Variants in MTRF1 observed in about 807,000 individuals in gnomAD.
The protein encoded by MTRF1 is mitochondrial translation release factor 1.
A neutral mutation model predicts 62.9 loss-of-function variants in MTRF1; 51 were observed. That is an observed-to-expected ratio of 0.81 (90% CI 0.65 to 1.02). MTRF1 has a LOEUF of 1.02. Ranked by LOEUF, MTRF1 falls within the 50% of genes least tolerant of loss-of-function variation. The probability of loss-of-function intolerance (pLI) is 0.00; values close to 1 mark genes in which losing one functional copy is unlikely to be tolerated. For synonymous variants in MTRF1, 158 were observed against 181.9 expected (o/e 0.87, Z 1.06); for missense variants, 446 against 530.0 (o/e 0.84, Z 1.56).
chr13:41,283,620 C>T, the MTRF1 span, among the ~76,000 whole-genome samples: 2 of 96,722 alleles, frequency 2.1e-5, no homozygotes, highest in African/African-American at 4.1e-5. Flanking sequence ...GACGGAGTCT[C>T]GCTCTGTCAC....
At chr13:41,271,755 T>C in the MTRF1 span, among the ~76,000 whole-genome samples, 1 of 152,078 alleles carries the variant, frequency 6.6e-6, no homozygotes, top group Non-Finnish European at 1.5e-5. Context: ...GGGGTGCCAT[T>C]CTGCTGGGAG....
chr13:41,311,618 C>A, the MTRF1 span: 1 of 1,585,364 alleles, frequency 6.3e-7, no homozygotes, highest in Admixed American at 1.8e-5. Context: ...GCCCCCCGGT[C>A]CCCGGGTCCT....
the MTRF1 span, among the ~76,000 whole-genome samples, chr13:41,285,871 C>G: frequency 2.0e-5 from 3 of 151,974 alleles, no homozygotes; most frequent in African/African-American, 7.3e-5. Context: ...TGAGAACAGC[C>G]TGGCCAACAT....
chr13:41,274,672 A>ATAT, the MTRF1 span, among the ~76,000 whole-genome samples: 7 of 147,478 alleles, frequency 4.7e-5, no homozygotes, highest in African/African-American at 1.8e-4. Flanking sequence ...AATAATAAAT[A>ATAT]TATAATAATA....
chr13:41,286,587 T>C, the MTRF1 span, among the ~76,000 whole-genome samples: 4 of 152,244 alleles, frequency 2.6e-5, no homozygotes, highest in African/African-American at 9.6e-5. Context: ...GATTATTCCT[T>C]GTGAAATGAG....
At chr13:41,273,325 C>CA in the MTRF1 span, among the ~76,000 whole-genome samples, 778 of 120,152 alleles carry the variant, frequency 6.5e-3, 6 homozygotes, top group South Asian at 0.022. Flanking sequence ...GACTCCGTCT[C>CA]AAAAAAAAAA....
At chr13:41,263,805 G>A (rs1349358927), upstream of MTRF1, among the ~76,000 whole-genome samples, 1 of 146,972 alleles carries the variant, frequency 6.8e-6, no homozygotes, top group African/African-American at 2.7e-5. Context: ...GGAGATGGTG[G>A]GAGGGAGGGA....
At chr13:41,245,114 TTC>T (rs1293616577) in intron 5 of MTRF1, among the ~76,000 whole-genome samples, 2 of 152,212 alleles carry the variant, frequency 1.3e-5, no homozygotes, top group African/African-American at 4.8e-5. Flanking sequence ...GCATTAAATG[TTC>T]TGTTTATCTG....
chr13:41,218,173 T>C (rs2032305944), intron 9 of MTRF1, among the ~76,000 whole-genome samples: 1 of 152,026 alleles, frequency 6.6e-6, no homozygotes, highest in Non-Finnish European at 1.5e-5. Context: ...TGGAGTATAG[T>C]GGTGTGATCT....
At chr13:41,298,872 GA>G in the MTRF1 span, among the ~76,000 whole-genome samples, 1 of 152,124 alleles carries the variant, frequency 6.6e-6, no homozygotes, top group Non-Finnish European at 1.5e-5. Context: ...ATCTGGACAA[GA>G]AGTTCTGTCA....
At chr13:41,254,456 C>G in intron 3 of MTRF1, 73 bp downstream of exon 3, 1 of 1,081,726 alleles carries the variant, frequency 9.2e-7, no homozygotes, top group South Asian at 1.5e-5. Context: ...CTATGAGCAC[C>G]GAAGCAGAGT....
the MTRF1 span, among the ~76,000 whole-genome samples, chr13:41,275,679 GA>G: frequency 2.0e-5 from 3 of 151,916 alleles, no homozygotes; most frequent in Non-Finnish European, 2.9e-5. Flanking sequence ...TTTTAGTAGA[GA>G]CAGGGTTTCA....
intron 9 of MTRF1, among the ~76,000 whole-genome samples, chr13:41,219,998 C>CAAAAAAAAAAA (rs71086550): frequency 2.8e-5 from 2 of 70,364 alleles, no homozygotes; most frequent in African/African-American, 5.8e-5. Context: ...ACCTCTGTCT[C>CAAAAAAAAAAA]AAAAAAAAAA....
At chr13:41,273,283 G>T in the MTRF1 span, among the ~76,000 whole-genome samples, 3 of 148,504 alleles carry the variant, frequency 2.0e-5, no homozygotes, top group South Asian at 4.3e-4. Context: ...CCGAGATCGC[G>T]CCACTGCACT....
chr13:41,280,981 A>G, the MTRF1 span, among the ~76,000 whole-genome samples: 3 of 152,202 alleles, frequency 2.0e-5, no homozygotes, highest in Admixed American at 2.0e-4. Context: ...GACGTGGGGA[A>G]GAAAGAAAAG....
At chr13:41,254,098 C>T (rs1044999124) in intron 3 of MTRF1, among the ~76,000 whole-genome samples, 3 of 152,144 alleles carry the variant, frequency 2.0e-5, no homozygotes, top group African/African-American at 7.2e-5. Flanking sequence ...CCTTACTAGA[C>T]CTAACTAAAG....
At chr13:41,230,159 T>G (rs1348524027) in intron 7 of MTRF1, among the ~76,000 whole-genome samples, 4 of 152,038 alleles carry the variant, frequency 2.6e-5, no homozygotes. Flanking sequence ...TATTTTTATA[T>G]GTACAGAAAA....
chr13:41,241,323 C>T (rs1280171785), intron 5 of MTRF1, among the ~76,000 whole-genome samples: 2 of 152,076 alleles, frequency 1.3e-5, no homozygotes, highest in Non-Finnish European at 2.9e-5. Flanking sequence ...GGATTACAAG[C>T]GTGAGCCACC....
In MTRF1 at chr13:41,240,435, TA is replaced by T. The variant is rs1371916964; in HGVS notation, c.698-3del. ...GGGCGGCTGCATGATGTAGTCCACC[TA>T]GGGGAACAACAATCCAGAAATAGTA... On this transcript the variant is annotated splice_polypyrimidine_tract_variant and splice_region_variant and intron_variant, in intron 5 of 9. Transcript: ENST00000379480. The T allele has an allele frequency of 6.2e-7, 1 of 1,611,190 alleles. No homozygotes were observed. Among genetic ancestry groups the T allele is most frequent in the Admixed American group, 1.7e-5 (1 of 59,522 alleles).
Sources: allele counts gnomAD v4.1 joint callset (sites outside exome capture counted in the v4.1 genomes callset), GRCh38; gene constraint gnomAD v4.1.1; transcripts MANE v1.5; gene names NCBI Gene and HGNC (gene_info 2026-07-23, HGNC 2026-07-21).